Variants in PLEKHH2 observed in about 807,000 individuals in gnomAD.
The protein encoded by PLEKHH2 is pleckstrin homology domain-containing family H member 2.
A neutral mutation model predicts 187.9 loss-of-function variants in PLEKHH2; 129 were observed. That is an observed-to-expected ratio of 0.69 (90% CI 0.59 to 0.79). The LOEUF (loss-of-function observed/expected upper bound fraction) is 0.79. Ranked by LOEUF, PLEKHH2 falls within the 30% of genes least tolerant of loss-of-function variation. The pLI, the probability that PLEKHH2 is intolerant of heterozygous loss-of-function variation, is 0.00. For missense variants in PLEKHH2, 2,076 were observed against 1,751.2 expected, an observed-to-expected ratio of 1.19 and a Z score of -3.31; for synonymous variants, 686 against 605.6, an observed-to-expected ratio of 1.13 and a Z score of -1.95.
At chr2:43,760,163 C>T (rs1431914261) in intron 27 of PLEKHH2, among the ~76,000 whole-genome samples, 7 of 151,936 alleles carry the variant, frequency 4.6e-5, no homozygotes, top group Non-Finnish European at 1.0e-4. Flanking sequence ...ATATTAAATA[C>T]CCTTTTCTGT....
At chr2:43,685,689 G>A (rs1437993326) in intron 3 of PLEKHH2, among the ~76,000 whole-genome samples, 2 of 148,012 alleles carry the variant, frequency 1.4e-5, no homozygotes, top group Non-Finnish European at 3.0e-5. Flanking sequence ...CAATCCTCCA[G>A]CCTCAGCCTT....
intron 3 of PLEKHH2, 111 bp from the exon 4 acceptor site, chr2:43,692,403 C>T: frequency 1.2e-6 from 1 of 821,452 alleles, no homozygotes; most frequent in Non-Finnish European, 1.9e-6. Context: ...TTAATATTTT[C>T]CTTTTTGAAG....
intron 11 of PLEKHH2, among the ~76,000 whole-genome samples, chr2:43,708,205 A>G (rs1314724377): frequency 6.6e-6 from 1 of 152,068 alleles, no homozygotes; most frequent in African/African-American, 2.4e-5. Flanking sequence ...TCTTGCTCTC[A>G]ACTTGCCCCG....
At chr2:43,685,047 G>T (rs987226214) in intron 3 of PLEKHH2, among the ~76,000 whole-genome samples, 2 of 152,082 alleles carry the variant, frequency 1.3e-5, no homozygotes, top group Non-Finnish European at 2.9e-5. Flanking sequence ...ACCTTTTTTG[G>T]CCTTTGCAAG....
At chr2:43,734,904 G>A (rs1671217063) in intron 19 of PLEKHH2, among the ~76,000 whole-genome samples, 1 of 152,200 alleles carries the variant, frequency 6.6e-6, no homozygotes, top group African/African-American at 2.4e-5. Flanking sequence ...GCTCAGGCCT[G>A]TAATCCCAGC....
intron 2 of PLEKHH2, chr2:43,676,330 G>A: frequency 6.3e-7 from 1 of 1,589,112 alleles, no homozygotes; most frequent in South Asian, 1.2e-5. Context: ...CATTTTCCAG[G>A]CGTTAGGACA....
Position 43,753,641 on chromosome 2 carries a change from C to G in PLEKHH2, c.3676C>G (p.Arg1226Gly). The change falls in exon 25 of 30, where the codon CGT (arginine) becomes GGT (glycine). Residue 1226 changes from arginine (R) to glycine (G), a missense_variant. Transcript: ENST00000282406. ...KNRLYFSVQA[R>G]GETDREKLLL... ...CAGACTATATTTCTCAGTGCAAGCT[C>G]GTGGAGAGACTGATAGAGAAAAGTT... 4 of 1,552,962 alleles carry G rather than the reference C, an allele frequency of 2.6e-6. No homozygotes were observed. The highest frequency in any genetic ancestry group is 3.5e-6 in the Non-Finnish European group (4 of 1,153,366).
intron 3 of PLEKHH2, among the ~76,000 whole-genome samples, chr2:43,686,178 CTCT>C (rs922994702): frequency 1.3e-4 from 19 of 149,760 alleles, no homozygotes; most frequent in African/African-American, 1.7e-4. Context: ...CTTCCTCTTC[CTCT>C]TCTTCTTCTT....
At chr2:43,754,199 C>A (rs562392713) in intron 25 of PLEKHH2, among the ~76,000 whole-genome samples, 16,824 of 115,332 alleles carry the variant, frequency 0.15, 1,174 homozygotes, top group Admixed American at 0.24. Flanking sequence ...CACACACACA[C>A]ACACACAAAA....
rs953444096 is a variant in PLEKHH2, at chr2:43,717,925, G to C, written c.2461-2744G>C. Among the ~76,000 whole-genome samples, 7 of 152,180 alleles carry C rather than the reference G, an allele frequency of 4.6e-5. 1 individual carries two copies. The highest frequency in any genetic ancestry group is 1.7e-4 in the African/African-American group (7 of 41,440). On this transcript the variant is annotated intron_variant, in intron 15 of 29. Coordinates refer to ENST00000282406, the MANE Select transcript of PLEKHH2 (RefSeq NM_172069.4). ...AAATGCTAGCTATTATCATCCAAGA[G>C]TTTCACCTTGATAGTGAAGTCAGCA... is the stretch of plus-strand genomic sequence containing the variant.
intron 24 of PLEKHH2, among the ~76,000 whole-genome samples, chr2:43,750,170 G>A (rs1488720305): frequency 6.6e-6 from 1 of 152,064 alleles, no homozygotes; most frequent in Non-Finnish European, 1.5e-5. Context: ...AAAAATTCCA[G>A]GATCAAGAGA....
In PLEKHH2 at chr2:43,666,926, T is replaced by C. The variant is rs553364256; in HGVS notation, c.124-11937T>C. On this transcript the variant is annotated intron_variant, in intron 2 of 29. Coordinates refer to ENST00000282406, the MANE Select transcript of PLEKHH2 (RefSeq NM_172069.4). The stretch of plus-strand genomic sequence containing the variant: ...TTAATAGTAAGTATTGGCTTAGTAA[T>C]AGTAATAGTAATAATAGCTTAGTGA... 2.0e-5 allele frequency among the ~76,000 whole-genome samples: 3 copies of C among 152,290 alleles called. No homozygotes were observed. The East Asian group carries it at 5.8e-4, about 29-fold the overall frequency.
At chr2:43,675,983 T>C in intron 2 of PLEKHH2, 1 of 1,614,042 alleles carries the variant, frequency 6.2e-7, no homozygotes, top group Non-Finnish European at 8.5e-7. Flanking sequence ...CACCTGTCAT[T>C]ACTTTCTATA....
At chr2:43,724,675 T>G (rs1670651565) in intron 16 of PLEKHH2, among the ~76,000 whole-genome samples, 1 of 152,216 alleles carries the variant, frequency 6.6e-6, no homozygotes, top group Admixed American at 6.5e-5. Flanking sequence ...ATAGTTCGTT[T>G]TGCACTACCT....
At chr2:43,675,813 A>C (rs746780615) in intron 2 of PLEKHH2, 1 of 1,613,910 alleles carries the variant, frequency 6.2e-7, no homozygotes, top group Admixed American at 1.7e-5. Context: ...CAAATATAAC[A>C]GTGTGGCCCA....
Position 43,706,320 on chromosome 2 carries a change from A to C in PLEKHH2, c.1727-2A>C. 1 of 1,592,524 alleles carries C rather than the reference A, an allele frequency of 6.3e-7. No homozygotes were observed. Among genetic ancestry groups the C allele is most frequent in the Non-Finnish European group, 8.6e-7 (1 of 1,162,852 alleles). On this transcript the variant is annotated splice_acceptor_variant, in intron 9 of 29. Coordinates refer to ENST00000282406, the MANE Select transcript of PLEKHH2 (RefSeq NM_172069.4). LOFTEE classifies it high-confidence loss of function. Reference sequence around the variant, plus strand: ...ATGTTGTTTCCTGTTTTTCTGTTTCAGATTCTGCTGCAACCCTTTCCTATA... The same window carrying C: ...ATGTTGTTTCCTGTTTTTCTGTTTCCGATTCTGCTGCAACCCTTTCCTATA...
intron 3 of PLEKHH2, among the ~76,000 whole-genome samples, chr2:43,689,464 G>T (rs1668689213): frequency 1.3e-5 from 2 of 152,186 alleles, no homozygotes; most frequent in South Asian, 4.1e-4. Flanking sequence ...ATTCTTAAAT[G>T]GTTCTGGTTA....
At chr2:43,747,187 A>G (rs1671820019) in intron 24 of PLEKHH2, among the ~76,000 whole-genome samples, 1 of 151,804 alleles carries the variant, frequency 6.6e-6, no homozygotes, top group African/African-American at 2.4e-5. Context: ...GATGCTATAA[A>G]TAAAATTGTA....
Position 43,645,188 on chromosome 2 carries a change from T to C in PLEKHH2, c.123+392T>C, listed in dbSNP as rs953839601. On this transcript the variant is annotated intron_variant, in intron 2 of 29. Coordinates refer to ENST00000282406, the MANE Select transcript of PLEKHH2 (RefSeq NM_172069.4). ...ATGTGTTTATACCGTATTTGAAAGATGTATCTACTTAGGAATCTGTGTTGA... is the reference window on the plus strand; with the variant it reads ...ATGTGTTTATACCGTATTTGAAAGACGTATCTACTTAGGAATCTGTGTTGA... Among the ~76,000 whole-genome samples, 11 of 152,276 alleles carry C rather than the reference T, an allele frequency of 7.2e-5. No individual in the cohort carries two copies. In the East Asian group the frequency reaches 9.6e-4, roughly 13 times the overall value.
Sources: gnomAD v4.1 joint callset for allele counts (sites outside exome capture counted in the v4.1 genomes callset) on GRCh38, gnomAD v4.1.1 for gene constraint, MANE v1.5 for transcripts, NCBI Gene and HGNC (gene_info 2026-07-23, HGNC 2026-07-21) for gene names.